Variants in PRCP observed in about 807,000 individuals in gnomAD.
The protein encoded by PRCP is prolylcarboxypeptidase.
PRCP carries 46 observed loss-of-function variants against 54.2 expected under a neutral mutation model. That is an observed-to-expected ratio of 0.85 (90% confidence interval 0.67 to 1.09). PRCP has a LOEUF of 1.09. Among genes scored for constraint, PRCP ranks in the 50% least tolerant of loss-of-function variants. The probability of loss-of-function intolerance (pLI) is 0.00; values close to 1 mark genes in which losing one functional copy is unlikely to be tolerated. For missense variants in PRCP, 613 were observed against 596.8 expected (o/e 1.03, Z -0.28); for synonymous variants, 240 against 212.2 (o/e 1.13, Z -1.14).
rs76311672 is a variant in PRCP at position 82,866,105 on chromosome 11, G to C, written c.169-5988C>G. Among the ~76,000 whole-genome samples the C allele has an allele frequency of 7.3e-3, 1,112 of 152,254 alleles. 10 individuals are homozygous for C. Among genetic ancestry groups the C allele is most frequent in the African/African-American group, 0.026 (1,071 of 41,524 alleles). On this transcript the variant is annotated intron_variant, in intron 1 of 8. Transcript: ENST00000313010. ...TTTATTTCTTCTTTATTATGTCAAG[G>C]CCTTTCAAAAACCCTGCTTAAATGT... is the stretch of plus-strand genomic sequence containing the variant.
At chr11:82,862,667 A>G (rs1466881232) in intron 1 of PRCP, among the ~76,000 whole-genome samples, 1 of 152,246 alleles carries the variant, frequency 6.6e-6, no homozygotes, top group Non-Finnish European at 1.5e-5. Context: ...ACTTCCTGGT[A>G]TCTATGATCA....
chr11:82,835,757 G>A (rs4468370), intron 8 of PRCP: 84,405 of 382,842 alleles, frequency 0.22, 12,332 homozygotes, highest in African/African-American at 0.52. Context: ...GACATTTGAT[G>A]CTGATAAAGC....
chr11:82,839,647 G>C, intron 6 of PRCP: 1 of 524,922 alleles, frequency 1.9e-6, no homozygotes, highest in Middle Eastern at 5.3e-4. Flanking sequence ...TCATTTGCAT[G>C]GTATGCAAAG....
At chr11:82,867,767 A>C (rs1859376654) in intron 1 of PRCP, among the ~76,000 whole-genome samples, 1 of 152,144 alleles carries the variant, frequency 6.6e-6, no homozygotes, top group Admixed American at 6.5e-5. Context: ...TCTGTAGCCC[A>C]GGCAAAGTAG....
At chr11:82,877,087 T>C (rs1859622627) in intron 1 of PRCP, among the ~76,000 whole-genome samples, 1 of 152,194 alleles carries the variant, frequency 6.6e-6, no homozygotes, top group Non-Finnish European at 1.5e-5. Flanking sequence ...TGTTATGTTT[T>C]AGTAAAGAGA....
chr11:82,876,877 A>G (rs757707822), intron 1 of PRCP, among the ~76,000 whole-genome samples: 18 of 152,206 alleles, frequency 1.2e-4, no homozygotes, highest in Non-Finnish European at 2.5e-4. Flanking sequence ...CAAATTTGGA[A>G]CTGGATAACA....
At chr11:82,887,519 C>T (rs1241052536) in intron 1 of PRCP, among the ~76,000 whole-genome samples, 2 of 152,164 alleles carry the variant, frequency 1.3e-5, no homozygotes. Flanking sequence ...AGTATTGATA[C>T]TATGTCAACT....
rs375760927 is a variant in PRCP at position 82,853,168 on chromosome 11, T to C, written c.411+9A>G. 2.7e-5 allele frequency: 43 copies of C among 1,565,868 alleles called. No individual in the cohort carries two copies. The highest frequency in any genetic ancestry group is 3.5e-5 in the Non-Finnish European group (40 of 1,148,838). Reference sequence around the variant, plus strand: ...AAGCTTGTAACTTTTAAGTAAAAAGTATCTTTACCTTGAATGAGTTGTCAC... The same window carrying C: ...AAGCTTGTAACTTTTAAGTAAAAAGCATCTTTACCTTGAATGAGTTGTCAC... On this transcript the variant is annotated intron_variant, in intron 3 of 8. Coordinates refer to ENST00000313010, the MANE Select transcript of PRCP (RefSeq NM_005040.4).
At chr11:82,880,842 A>C (rs1468352175) in intron 1 of PRCP, among the ~76,000 whole-genome samples, 2 of 152,056 alleles carry the variant, frequency 1.3e-5, no homozygotes, top group East Asian at 3.9e-4. Context: ...GGAGGAAAAA[A>C]AAAAAAAAAA....
chr11:82,867,049 T>C (rs1036925460), intron 1 of PRCP, among the ~76,000 whole-genome samples: 1 of 152,202 alleles, frequency 6.6e-6, no homozygotes, highest in African/African-American at 2.4e-5. Flanking sequence ...TGATGCAGTT[T>C]AAATCTTCTA....
chr11:82,849,989 A>G lies in PRCP; in HGVS notation c.676T>C (p.Phe226Leu). 6.4e-7 allele frequency: 1 copy of G among 1,563,310 alleles called. No individual in the cohort carries two copies. The highest frequency in any genetic ancestry group is 8.7e-7 in the Non-Finnish European group (1 of 1,153,614). ...GAACAATGTGGACCGCTTTTCCTAAAATCTGTAGTTACGATCTTCATAAAT... is the reference window on the plus strand; with the variant it reads ...GAACAATGTGGACCGCTTTTCCTAAGATCTGTAGTTACGATCTTCATAAAT... The part of the protein sequence containing the change: ...GVFMKIVTTD[F>L]RKSGPHCSES... Residue 226 changes from phenylalanine to leucine, a missense_variant, in exon 5 of 9, where the codon TTT (phenylalanine) becomes CTT (leucine). Transcript: ENST00000313010.
intron 5 of PRCP, 142 bp downstream of exon 5, chr11:82,849,770 ATT>A: frequency 1.3e-6 from 1 of 749,764 alleles, no homozygotes; most frequent in Non-Finnish European, 1.9e-6. Flanking sequence ...CAAGCTACGC[ATT>A]TTGATTTGAT....
rs141435534 is a variant in PRCP at position 82,847,244 on chromosome 11, T to C, written c.921+1805A>G. The stretch of plus-strand genomic sequence containing the variant: ...TTCTCACCTTGTACACAGATAGATA[T>C]AGAGTTAAATCTGATAGATGTCACC... On this transcript the variant is annotated intron_variant, in intron 6 of 8. Transcript: ENST00000313010. Among the ~76,000 whole-genome samples, 1,013 of 152,348 alleles carry C rather than the reference T, an allele frequency of 6.6e-3. 9 individuals are homozygous for C. Among genetic ancestry groups the C allele is most frequent in the African/African-American group, 0.022 (928 of 41,574 alleles).
Position 82,896,540 on chromosome 11 carries a change from G to A in PRCP, c.168+3695C>T, listed in dbSNP as rs112800922. Among the ~76,000 whole-genome samples the A allele has an allele frequency of 2.5e-3, 387 of 151,940 alleles. 3 individuals are homozygous for A. Among genetic ancestry groups the A allele is most frequent in the African/African-American group, 8.7e-3 (362 of 41,410 alleles). Reference sequence around the variant, plus strand: ...TAAAAACTGCAAAAATTAGCCAGGCGTGGTGGCGGGCACCTGTAATCCTAG... The same window carrying A: ...TAAAAACTGCAAAAATTAGCCAGGCATGGTGGCGGGCACCTGTAATCCTAG... On this transcript the variant is annotated intron_variant, in intron 1 of 8. Transcript: ENST00000313010.
intron 6 of PRCP, among the ~76,000 whole-genome samples, chr11:82,845,116 A>T (rs1485192871): frequency 6.6e-6 from 1 of 152,128 alleles, no homozygotes; most frequent in African/African-American, 2.4e-5. Flanking sequence ...AAACAGAAAG[A>T]GCATTAGAAA....
At chr11:82,872,695 T>C (rs1360924530) in intron 1 of PRCP, among the ~76,000 whole-genome samples, 3 of 152,156 alleles carry the variant, frequency 2.0e-5, no homozygotes, top group African/African-American at 7.2e-5. Context: ...TAACCAATCC[T>C]GCTGACACCC....
intron 1 of PRCP, among the ~76,000 whole-genome samples, chr11:82,899,198 T>C (rs1256916820): frequency 2.6e-5 from 4 of 152,150 alleles, no homozygotes; most frequent in African/African-American, 7.2e-5. Context: ...CTCTGCACAA[T>C]TAACAACAAC....
chr11:82,856,712 G>A (rs1310155183), intron 2 of PRCP, among the ~76,000 whole-genome samples: 1 of 151,726 alleles, frequency 6.6e-6, no homozygotes, highest in East Asian at 1.9e-4. Context: ...AAACACGATG[G>A]AGAGAAAACA....
chr11:82,900,151 G>T, intron 1 of PRCP, 84 bp downstream of exon 1: 3 of 1,510,144 alleles, frequency 2.0e-6, no homozygotes, highest in Middle Eastern at 3.6e-4. Flanking sequence ...TGTGAATTTC[G>T]AGGTAGGCTC....
Sources: allele counts gnomAD v4.1 joint callset (sites outside exome capture counted in the v4.1 genomes callset), GRCh38; gene constraint gnomAD v4.1.1; transcripts MANE v1.5; gene names NCBI Gene and HGNC (gene_info 2026-07-23, HGNC 2026-07-21).